Variants in NWD1 observed in about 807,000 individuals in gnomAD.
NWD1 encodes NACHT domain- and WD repeat-containing protein 1.
A neutral mutation model predicts 135.1 loss-of-function variants in NWD1; 129 were observed. The ratio of observed to expected loss-of-function variants is 0.96; its 90% CI spans 0.83 to 1.11. The LOEUF (loss-of-function observed/expected upper bound fraction) is 1.11. NWD1 is among the 50% of genes least tolerant of loss of function. The probability of loss-of-function intolerance (pLI) is 0.00; values close to 1 mark genes in which losing one functional copy is unlikely to be tolerated. For missense variants in NWD1, 1,740 were observed against 1,851.3 expected (o/e 0.94, Z 1.10); for synonymous variants, 773 against 786.0 (o/e 0.98, Z 0.28).
intron 4 of NWD1, among the ~76,000 whole-genome samples, chr19:16,741,666 G>T (rs911281737): frequency 6.6e-6 from 1 of 151,910 alleles, no homozygotes; most frequent in Non-Finnish European, 1.5e-5. Flanking sequence ...ACCATGCCTG[G>T]CTCTTTTCAT....
Position 16,800,479 on chromosome 19 carries a change from C to T in NWD1, c.3736+317C>T, listed in dbSNP as rs139041820. ...CTGGGAGGCGAAGACTGCAGTGAGC[C>T]GGGATCCTGACTCTGCACTCCGGCC... On this transcript the variant is annotated intron_variant, in intron 17 of 18. Coordinates refer to ENST00000524140, the MANE Select transcript of NWD1 (RefSeq NM_001007525.5). Among the ~76,000 whole-genome samples, 371 of 152,192 alleles carry T rather than the reference C, an allele frequency of 2.4e-3. 8 individuals are homozygous for T. In the South Asian group the frequency reaches 0.036, roughly 15 times the overall value.
intron 4 of NWD1, among the ~76,000 whole-genome samples, chr19:16,739,294 C>T (rs1230346841): frequency 8.0e-6 from 1 of 124,970 alleles, no homozygotes; most frequent in African/African-American, 3.2e-5. Context: ...GAGTTCAAGA[C>T]CAGCTTGAGT....
intron 1 of NWD1, among the ~76,000 whole-genome samples, chr19:16,722,011 G>A (rs1007648881): frequency 6.6e-5 from 10 of 152,114 alleles, no homozygotes; most frequent in South Asian, 2.1e-4. Context: ...TACTTGAGAC[G>A]CCGAGGCAGG....
intron 2 of NWD1, among the ~76,000 whole-genome samples, chr19:16,725,942 ATTGTTTTTTTTTTGT>A (rs963226850): frequency 6.6e-5 from 8 of 120,544 alleles, no homozygotes; most frequent in African/African-American, 9.0e-5. Context: ...CCATAGCTAC[ATTGTTTTTTTTTTGT>A]TTGTTTTTTT....
chr19:16,788,396 C>T (rs964915303), intron 12 of NWD1, among the ~76,000 whole-genome samples: 24 of 150,390 alleles, frequency 1.6e-4, no homozygotes, highest in African/African-American at 5.1e-4. Flanking sequence ...TAGTCAAACC[C>T]GTCTCCACTA....
intron 12 of NWD1, among the ~76,000 whole-genome samples, chr19:16,785,569 TAAAGAA>T (rs1055275473): frequency 6.8e-6 from 1 of 147,166 alleles, no homozygotes; most frequent in Non-Finnish European, 1.5e-5. Flanking sequence ...ATTAACGTGA[TAAAGAA>T]AAAAGAGGAT....
chr19:16,728,882 T>C (rs1271388657), intron 2 of NWD1, among the ~76,000 whole-genome samples: 1 of 146,242 alleles, frequency 6.8e-6, no homozygotes, highest in African/African-American at 2.6e-5. Context: ...AGGCGGAGCT[T>C]GCAGCGAGCC....
chr19:16,793,166 A>G (rs1442082193), intron 14 of NWD1, among the ~76,000 whole-genome samples: 7 of 152,160 alleles, frequency 4.6e-5, no homozygotes, highest in Non-Finnish European at 1.0e-4. Context: ...CAAGGTACCA[A>G]ATACAACAAC....
intron 3 of NWD1, among the ~76,000 whole-genome samples, chr19:16,734,420 AGCTACTCCGGAG>A (rs1967706853): frequency 6.6e-6 from 1 of 151,764 alleles, no homozygotes; most frequent in Non-Finnish European, 1.5e-5. Flanking sequence ...ATGTAGTCCC[AGCTACTCCGGAG>A]GCTGAGGCAG....
intron 11 of NWD1, among the ~76,000 whole-genome samples, chr19:16,775,780 G>A (rs1391249696): frequency 6.6e-6 from 1 of 152,138 alleles, no homozygotes; most frequent in Non-Finnish European, 1.5e-5. Context: ...CCATTTTCCT[G>A]CCTCAGCCTC....
chr19:16,724,105 G>C (rs930586924), intron 1 of NWD1, among the ~76,000 whole-genome samples: 2 of 152,180 alleles, frequency 1.3e-5, no homozygotes, highest in African/African-American at 4.8e-5. Flanking sequence ...AGGCAGGGAA[G>C]GGAAGTCAAG....
intron 14 of NWD1, among the ~76,000 whole-genome samples, chr19:16,791,999 C>T (rs1372615886): frequency 2.6e-5 from 4 of 152,194 alleles, no homozygotes; most frequent in Admixed American, 2.0e-4. Flanking sequence ...CAGGCATGAG[C>T]CACCGTGCCC....
intron 6 of NWD1, among the ~76,000 whole-genome samples, chr19:16,752,717 C>T (rs944359340): frequency 3.9e-5 from 6 of 152,106 alleles, no homozygotes; most frequent in East Asian, 1.9e-4. Context: ...ACAAATACGG[C>T]GTGGTGTGGT....
chr19:16,731,362 A>T lies in NWD1; in HGVS notation c.81+84A>T, dbSNP rs1967555643. 6.3e-6 allele frequency: 5 copies of T among 798,756 alleles called. No homozygotes were observed. In the South Asian group the frequency reaches 7.8e-5, roughly 12 times the overall value. 49.5% of individuals were successfully genotyped at this position (798,756 alleles called of 1,614,324 possible). ...TTGCTCTGTCGCCAGGCTGGAGTGC[A>T]GTGGTGCGATCTCGGCTCACTGCAA... On this transcript the variant is annotated intron_variant, in intron 3 of 18. Coordinates refer to ENST00000524140, the MANE Select transcript of NWD1 (RefSeq NM_001007525.5).
chr19:16,802,023 C>T (rs1370331333), intron 17 of NWD1, among the ~76,000 whole-genome samples: 5 of 152,174 alleles, frequency 3.3e-5, no homozygotes, highest in South Asian at 2.1e-4. Context: ...TGGTGGCTCA[C>T]GCCTGTAGTC....
At chr19:16,731,128 A>G in intron 2 of NWD1, 64 bp from the exon 3 acceptor site, 1 of 787,650 alleles carries the variant, frequency 1.3e-6, no homozygotes, top group Non-Finnish European at 2.0e-6. Context: ...ATAAAAGCAG[A>G]GCTATGAGGC....
chr19:16,754,343 ATCTT>A (rs1968699237), intron 6 of NWD1, among the ~76,000 whole-genome samples: 1 of 131,490 alleles, frequency 7.6e-6, no homozygotes, highest in South Asian at 2.5e-4. Context: ...CATTGTTTCT[ATCTT>A]CTTTCCATCC....
In NWD1 at chr19:16,817,151, T is replaced by G. The variant is rs1286138689; in HGVS notation, c.*2112T>G. ...CCCTTCTCTACTAAAAATACAAAAA[T>G]CAGCCAGGCATGGTGGTGAGTGCCT... is the stretch of plus-strand genomic sequence containing the variant. On this transcript the variant is annotated 3_prime_UTR_variant, in exon 19 of 19. Coordinates refer to ENST00000524140, the MANE Select transcript of NWD1 (RefSeq NM_001007525.5). 6.6e-6 allele frequency: 1 copy of G among 151,710 alleles called. No homozygotes were observed. The highest frequency in any genetic ancestry group is 1.5e-5 in the Non-Finnish European group (1 of 67,958). The allele number at this position is 151,710 out of a possible 1,614,324, so 9.4% of individuals were successfully genotyped here. A position where few individuals can be genotyped will look rare whatever the true frequency, so the allele number is the denominator to read the frequency against.
At chr19:16,778,498 T>C (rs1225170620) in intron 11 of NWD1, among the ~76,000 whole-genome samples, 9 of 83,584 alleles carry the variant, frequency 1.1e-4, no homozygotes, top group East Asian at 8.3e-4. Context: ...CTTCTTCTTT[T>C]TTTTTTTTTT....
Sources: gnomAD v4.1 joint callset for allele counts (sites outside exome capture counted in the v4.1 genomes callset) on GRCh38, gnomAD v4.1.1 for gene constraint, MANE v1.5 for transcripts, NCBI Gene and HGNC (gene_info 2026-07-23, HGNC 2026-07-21) for gene names.